Variants in STXBP5L observed in about 807,000 individuals in gnomAD.
STXBP5L encodes syntaxin binding protein 5L.
A neutral mutation model predicts 144.5 loss-of-function variants in STXBP5L; 65 were observed. The observed-to-expected ratio is 0.45, with a 90% CI of 0.37 to 0.55. STXBP5L has a LOEUF of 0.55. Among genes scored for constraint, STXBP5L ranks in the 20% least tolerant of loss-of-function variants. STXBP5L has a pLI of 0.00. For synonymous variants in STXBP5L, 505 were observed against 469.6 expected (o/e 1.08, Z -0.97); for missense variants, 1,298 against 1,405.5 (o/e 0.92, Z 1.22).
intron 9 of STXBP5L, among the ~76,000 whole-genome samples, chr3:121,174,149 T>G (rs1216983703): frequency 6.6e-6 from 1 of 152,110 alleles, no homozygotes; most frequent in Non-Finnish European, 1.5e-5. Flanking sequence ...TAGTTAATAT[T>G]ATACCGTTAT....
chr3:120,967,238 C>T (rs1487235364), intron 3 of STXBP5L, among the ~76,000 whole-genome samples: 1 of 152,140 alleles, frequency 6.6e-6, no homozygotes, highest in Non-Finnish European at 1.5e-5. Context: ...GAAATTTCCC[C>T]TCCCCTTGCA....
At chr3:121,364,149 A>G (rs1453546684) in intron 20 of STXBP5L, among the ~76,000 whole-genome samples, 2 of 152,158 alleles carry the variant, frequency 1.3e-5, no homozygotes, top group South Asian at 2.1e-4. Flanking sequence ...GTAGCTTCTA[A>G]GAGATAATCA....
At chr3:121,209,449 A>ATTT (rs1333928465) in intron 10 of STXBP5L, among the ~76,000 whole-genome samples, 18 of 151,992 alleles carry the variant, frequency 1.2e-4, no homozygotes, top group Non-Finnish European at 1.9e-4. Context: ...TTTTATTATT[A>ATTT]TACTTTAAGT....
chr3:120,937,513 C>G (rs1576448542), intron 2 of STXBP5L, among the ~76,000 whole-genome samples: 2 of 152,250 alleles, frequency 1.3e-5, no homozygotes. Flanking sequence ...AGTTTCTGTC[C>G]TTAGGTTTCT....
chr3:121,091,703 A>C (rs574770692), intron 5 of STXBP5L, among the ~76,000 whole-genome samples: 5 of 152,106 alleles, frequency 3.3e-5, no homozygotes, highest in African/African-American at 1.2e-4. Context: ...AGGTTGCGAA[A>C]ATTTTCTCCC....
intron 5 of STXBP5L, among the ~76,000 whole-genome samples, chr3:121,105,345 G>T (rs992913029): frequency 6.6e-6 from 1 of 151,498 alleles, no homozygotes; most frequent in Non-Finnish European, 1.5e-5. Flanking sequence ...GCAGTGAGCC[G>T]AGATCACGCC....
At chr3:121,099,348 A>C (rs181532099) in intron 5 of STXBP5L, 1 of 152,380 alleles carries the variant, frequency 6.6e-6, no homozygotes, top group Admixed American at 6.5e-5. Flanking sequence ...ACCTGGGCTC[A>C]GTAAGATTTC....
intron 5 of STXBP5L, among the ~76,000 whole-genome samples, chr3:121,048,414 T>C (rs1419875859): frequency 6.6e-6 from 1 of 152,178 alleles, no homozygotes; most frequent in African/African-American, 2.4e-5. Context: ...GGGGACGTTT[T>C]CATGGGTGAT....
chr3:121,043,117 C>T (rs1947273950), intron 4 of STXBP5L, among the ~76,000 whole-genome samples: 1 of 151,994 alleles, frequency 6.6e-6, no homozygotes, highest in Non-Finnish European at 1.5e-5. Context: ...AGCCTTCAAC[C>T]TCCTTGCCTT....
chr3:121,256,478 A>T (rs886657362), intron 16 of STXBP5L, among the ~76,000 whole-genome samples: 3 of 152,022 alleles, frequency 2.0e-5, no homozygotes, highest in African/African-American at 7.2e-5. Context: ...AGTTTAATAA[A>T]GGTTTTTAGG....
chr3:121,376,751 T>G (rs1476263173), intron 20 of STXBP5L, among the ~76,000 whole-genome samples: 2 of 152,174 alleles, frequency 1.3e-5, no homozygotes, highest in African/African-American at 4.8e-5. Context: ...TTAAAGTAGC[T>G]TTTTTTCTAA....
intron 8 of STXBP5L, among the ~76,000 whole-genome samples, chr3:121,156,581 G>C (rs545229646): frequency 1.3e-5 from 2 of 151,976 alleles, no homozygotes; most frequent in South Asian, 4.1e-4. Flanking sequence ...TATTTATTGA[G>C]TACTTACTTT....
At chr3:121,196,996 TTTTCTTCTCTTTTCC>T (rs1304565925) in intron 9 of STXBP5L, among the ~76,000 whole-genome samples, 10 of 152,310 alleles carry the variant, frequency 6.6e-5, no homozygotes, top group Admixed American at 2.0e-4. Flanking sequence ...TTTTCTTTTC[TTTTCTTCTCTTTTCC>T]TTTCTTTAAC....
intron 5 of STXBP5L, among the ~76,000 whole-genome samples, chr3:121,102,487 G>T (rs1305969375): frequency 6.6e-6 from 1 of 152,092 alleles, no homozygotes; most frequent in East Asian, 1.9e-4. Context: ...AATAAATGGT[G>T]CTGTGATACT....
chr3:120,978,483 G>C (rs1941352123), intron 3 of STXBP5L, among the ~76,000 whole-genome samples: 1 of 152,054 alleles, frequency 6.6e-6, no homozygotes, highest in Non-Finnish European at 1.5e-5. Context: ...CTTTGCCTTT[G>C]GTTTGAATTT....
intron 21 of STXBP5L, among the ~76,000 whole-genome samples, chr3:121,379,388 T>G (rs4346498): frequency 0.79 from 120,010 of 151,906 alleles, 47,547 homozygotes; most frequent in East Asian, 0.89. Flanking sequence ...GGCGGTGGGG[T>G]AGGGGAGTAA....
chr3:121,101,324 G>A (rs1037573291), intron 5 of STXBP5L, among the ~76,000 whole-genome samples: 16 of 151,866 alleles, frequency 1.1e-4, no homozygotes, highest in Admixed American at 9.9e-4. Flanking sequence ...CCCAATGAAC[G>A]TAGATGCAAA....
intron 9 of STXBP5L, among the ~76,000 whole-genome samples, chr3:121,190,788 C>T (rs886116865): frequency 1.6e-4 from 12 of 74,812 alleles, no homozygotes; most frequent in Middle Eastern, 7.0e-3. Flanking sequence ...CCAGATGGGG[C>T]GGCTGCTGGG....
At chr3:121,023,278 A>T (rs139808340) in intron 3 of STXBP5L, among the ~76,000 whole-genome samples, 1 of 152,192 alleles carries the variant, frequency 6.6e-6, no homozygotes, top group African/African-American at 2.4e-5. Flanking sequence ...TCCCATGCTC[A>T]TGGATGGATA....
Sources: allele counts gnomAD v4.1 joint callset (sites outside exome capture counted in the v4.1 genomes callset), GRCh38; gene constraint gnomAD v4.1.1; transcripts MANE v1.5; gene names NCBI Gene and HGNC (gene_info 2026-07-23, HGNC 2026-07-21).